Variants in TMCO1 observed in about 807,000 individuals in gnomAD.
TMCO1 encodes transmembrane and coiled-coil domains 1, also known as calcium load-activated calcium channel.
Under a neutral mutation model 29.3 loss-of-function variants are expected in TMCO1, and 29 were observed. The observed-to-expected ratio is 0.99, with a 90% CI of 0.74 to 1.35. The LOEUF (loss-of-function observed/expected upper bound fraction) is 1.35. Among genes scored for constraint, TMCO1 ranks in the 40% most tolerant of loss-of-function variants. TMCO1 has a pLI of 0.00. For missense variants in TMCO1, 173 were observed against 225.5 expected, an observed-to-expected ratio of 0.77 and a Z score of 1.49; for synonymous variants, 80 against 77.1, an observed-to-expected ratio of 1.04 and a Z score of -0.20.
intron 5 of TMCO1, among the ~76,000 whole-genome samples, chr1:165,746,063 C>T (rs6426939): frequency 0.83 from 126,479 of 151,940 alleles, 53,185 homozygotes; most frequent in East Asian, 0.99. Context: ...GGGTGGATCA[C>T]GAGGTCAGGA....
intron 2 of TMCO1, among the ~76,000 whole-genome samples, chr1:165,766,576 C>T (rs1365920423): frequency 6.6e-6 from 1 of 151,934 alleles, no homozygotes; most frequent in African/African-American, 2.4e-5. Flanking sequence ...TCGCTTGAGC[C>T]CAGGAGTTTG....
At chr1:165,728,867 T>G (rs1571206947) in intron 6 of TMCO1, among the ~76,000 whole-genome samples, 1 of 151,686 alleles carries the variant, frequency 6.6e-6, no homozygotes, top group Admixed American at 6.6e-5. Flanking sequence ...GAGGCTGAGG[T>G]GGGTAGATCA....
chr1:165,726,260 A>T (rs533157409), downstream of TMCO1: 3 of 698,600 alleles, frequency 4.3e-6, no homozygotes, highest in Non-Finnish European at 7.8e-6. Context: ...CCTTCTGATA[A>T]AACTAGTCTC....
At chr1:165,763,344 A>C (rs963795566) in intron 2 of TMCO1, among the ~76,000 whole-genome samples, 5 of 152,208 alleles carry the variant, frequency 3.3e-5, no homozygotes, top group African/African-American at 1.2e-4. Context: ...ACATTCCAGA[A>C]GACAGAATTT....
chr1:165,747,529 T>C (rs1352336418), intron 5 of TMCO1, among the ~76,000 whole-genome samples: 1 of 152,204 alleles, frequency 6.6e-6, no homozygotes, highest in Non-Finnish European at 1.5e-5. Context: ...TGACACTTGA[T>C]TGATTCTAAA....
chr1:165,753,472 C>CAAAAAAAA (rs35980344), intron 4 of TMCO1, among the ~76,000 whole-genome samples: 1 of 47,756 alleles, frequency 2.1e-5, no homozygotes, highest in Non-Finnish European at 3.5e-5. Context: ...GACTCTGTCT[C>CAAAAAAAA]AAAAAAAAAA....
chr1:165,755,487 C>G (rs1313928235), intron 3 of TMCO1, among the ~76,000 whole-genome samples: 1 of 152,018 alleles, frequency 6.6e-6, no homozygotes, highest in African/African-American at 2.4e-5. Flanking sequence ...TCAAGGGCAA[C>G]ACAGAGAGAC....
rs1220924100 is a variant in TMCO1 at position 165,743,236 on chromosome 1, C to G, written c.399G>C (p.Leu133=). The G allele has an allele frequency of 2.5e-6, 4 of 1,612,948 alleles. No individual in the cohort carries two copies. The highest frequency in any genetic ancestry group is 1.7e-4 in the Middle Eastern group (1 of 6,060). ...SYIQGLSHRN[L]LGDDTTDCSF... Reference sequence around the variant, plus strand: ...AACAGTCTGTGGTGTCATCTCCCAGCAGATTTCGATGAGACAGTCCTTGGA... The same window carrying G: ...AACAGTCTGTGGTGTCATCTCCCAGGAGATTTCGATGAGACAGTCCTTGGA... The change falls in exon 6 of 7, where the codon CTG becomes CTC. Residue 133 remains leucine, a synonymous_variant. Transcript: ENST00000367881.
At chr1:165,725,321 A>C (rs767498345), downstream of TMCO1, 1 of 453,998 alleles carries the variant, frequency 2.2e-6, no homozygotes. Context: ...ATGTAATTTT[A>C]AGTAACTGGC....
intron 6 of TMCO1, among the ~76,000 whole-genome samples, chr1:165,735,719 TGG>T (rs1651347830): frequency 6.6e-6 from 1 of 152,078 alleles, no homozygotes; most frequent in Admixed American, 6.5e-5. Flanking sequence ...TTCAACATGT[TGG>T]CAAGGTTGGT....
chr1:165,752,652 GGC>G (rs1262566963), intron 4 of TMCO1, among the ~76,000 whole-genome samples: 2 of 151,762 alleles, frequency 1.3e-5, no homozygotes, highest in Admixed American at 1.3e-4. Context: ...AAATTAGCCA[GGC>G]GTACTGGCGG....
At chr1:165,729,367 A>G (rs1558028017) in intron 6 of TMCO1, among the ~76,000 whole-genome samples, 1 of 150,256 alleles carries the variant, frequency 6.7e-6, no homozygotes, top group African/African-American at 2.5e-5. Context: ...TCCAAGCTAG[A>G]GTACAGTGGC....
intron 6 of TMCO1, among the ~76,000 whole-genome samples, chr1:165,735,985 C>A (rs1032889179): frequency 6.6e-6 from 1 of 152,198 alleles, no homozygotes; most frequent in Non-Finnish European, 1.5e-5. Flanking sequence ...TGAATCCAAA[C>A]TACCAAGGTG....
At chr1:165,754,102 G>T in intron 4 of TMCO1, 126 bp downstream of exon 4, 1 of 772,800 alleles carries the variant, frequency 1.3e-6, no homozygotes. Context: ...GAACACCCAT[G>T]ATATTATTTA....
intron 5 of TMCO1, among the ~76,000 whole-genome samples, chr1:165,746,087 C>A (rs550268474): frequency 6.6e-6 from 1 of 152,092 alleles, no homozygotes; most frequent in Non-Finnish European, 1.5e-5. Context: ...TGAGACCAGC[C>A]TGGCCAATAT....
At chr1:165,768,535 TCA>T in intron 1 of TMCO1, 145 bp downstream of exon 1, 1 of 1,558,102 alleles carries the variant, frequency 6.4e-7, no homozygotes, top group Non-Finnish European at 8.7e-7. Flanking sequence ...CTGCTCCTGT[TCA>T]CGAGTTGCCC....
At position 165,728,022 on chromosome 1, in the gene TMCO1, T is replaced by TAGAACTTAAATAGAAAA; in HGVS notation, c.567_*1insTTTTCTATTTAAGTTCT. ...TGATAGAAAATAAAGAGTTCTTGAG[T>TAGAACTTAAATAGAAAA]TCAAGAGAACTTCCCAGAAGGAGGT... is the stretch of plus-strand genomic sequence containing the variant. On this transcript the variant is annotated 3_prime_UTR_variant, in exon 7 of 7. Coordinates refer to ENST00000367881, the MANE Select transcript of TMCO1 (RefSeq NM_019026.6). 3 of 1,603,278 alleles carry TAGAACTTAAATAGAAAA rather than the reference T, an allele frequency of 1.9e-6. No individual in the cohort carries two copies. The highest frequency in any genetic ancestry group is 2.6e-6 in the Non-Finnish European group (3 of 1,172,842).
At chr1:165,763,610 T>C (rs1320109026) in intron 2 of TMCO1, among the ~76,000 whole-genome samples, 1 of 152,098 alleles carries the variant, frequency 6.6e-6, no homozygotes, top group African/African-American at 2.4e-5. Flanking sequence ...AACTGGCAAA[T>C]GTATTACTTT....
intron 6 of TMCO1, 52 bp downstream of exon 6, chr1:165,743,115 G>A: frequency 1.2e-6 from 2 of 1,600,070 alleles, no homozygotes; most frequent in Non-Finnish European, 1.7e-6. Context: ...AAGCTAATTG[G>A]TATGACAGCA....
Sources: gnomAD v4.1 joint callset for allele counts (sites outside exome capture counted in the v4.1 genomes callset) on GRCh38, gnomAD v4.1.1 for gene constraint, MANE v1.5 for transcripts, NCBI Gene and HGNC (gene_info 2026-07-23, HGNC 2026-07-21) for gene names.